LAPTM5: variants seen among roughly 807,000 people sequenced by gnomAD.
LAPTM5 encodes the protein lysosomal protein transmembrane 5.
In LAPTM5, 11 loss-of-function variants were observed where a neutral mutation model predicts 30.1. The ratio of observed to expected loss-of-function variants is 0.37; its 90% CI spans 0.23 to 0.60. LAPTM5 has a LOEUF of 0.60. Among genes scored for constraint, LAPTM5 ranks in the 20% least tolerant of loss-of-function variants. The probability of loss-of-function intolerance (pLI) is 0.71; values close to 1 mark genes in which losing one functional copy is unlikely to be tolerated. For missense variants in LAPTM5, 324 were observed against 332.5 expected (o/e 0.97, Z 0.20); for synonymous variants, 151 against 137.9 (o/e 1.10, Z -0.67).
At chr1:30,735,306 C>T in intron 6 of LAPTM5, 41 bp from the exon 7 acceptor site, 1 of 1,523,454 alleles carries the variant, frequency 6.6e-7, no homozygotes. Flanking sequence ...TGCTGAGCGT[C>T]CTTCTCACGC....
At chr1:30,753,894 G>A (rs970808540) in intron 1 of LAPTM5, among the ~76,000 whole-genome samples, 5 of 152,194 alleles carry the variant, frequency 3.3e-5, no homozygotes, top group Non-Finnish European at 7.3e-5. Flanking sequence ...CAATATTTTC[G>A]TAAATCTAAA....
At chr1:30,745,258 G>A (rs1245451869) in intron 1 of LAPTM5, among the ~76,000 whole-genome samples, 1 of 152,202 alleles carries the variant, frequency 6.6e-6, no homozygotes, top group African/African-American at 2.4e-5. Context: ...GAGGTCCAGG[G>A]CCTTGCCCAA....
chr1:30,756,419 A>C (rs539145440), intron 1 of LAPTM5, among the ~76,000 whole-genome samples: 4 of 152,238 alleles, frequency 2.6e-5, no homozygotes, highest in African/African-American at 9.6e-5. Flanking sequence ...GTGGTTCTGC[A>C]TGCTTTGTAT....
intron 1 of LAPTM5, among the ~76,000 whole-genome samples, chr1:30,745,383 T>C (rs1569864304): frequency 2.0e-5 from 3 of 152,274 alleles, no homozygotes; most frequent in East Asian, 1.9e-4. Flanking sequence ...TTCCCCTCAG[T>C]GCCTCAGTGG....
At chr1:30,740,028 C>T in intron 3 of LAPTM5, 91 bp from the exon 4 acceptor site, 1 of 1,405,212 alleles carries the variant, frequency 7.1e-7, no homozygotes. Context: ...CCCCTTCCCA[C>T]CCTCTCCCAA....
chr1:30,742,001 G>T, intron 2 of LAPTM5: 1 of 376,042 alleles, frequency 2.7e-6, no homozygotes. Flanking sequence ...GGAGTGGCCT[G>T]AGAGCAATGA....
intron 3 of LAPTM5, among the ~76,000 whole-genome samples, chr1:30,740,601 T>C: frequency 6.6e-6 from 1 of 151,974 alleles, no homozygotes. Flanking sequence ...ACTGCAACAG[T>C]GGTTTCCTGG....
At chr1:30,757,417 C>T (rs545400971) in intron 1 of LAPTM5, among the ~76,000 whole-genome samples, 15 of 152,360 alleles carry the variant, frequency 9.8e-5, no homozygotes, top group Middle Eastern at 3.4e-3. Context: ...TTACATTTGC[C>T]TGGAAAGTGG....
chr1:30,736,939 T>A (rs1253938221), intron 6 of LAPTM5, among the ~76,000 whole-genome samples: 2 of 151,998 alleles, frequency 1.3e-5, no homozygotes, highest in Non-Finnish European at 2.9e-5. Context: ...CCCCCTTGAG[T>A]CCTCTATTTT....
Position 30,757,127 on chromosome 1 carries a change from G to A in LAPTM5, c.87+532C>T, listed in dbSNP as rs1057358824. Among the ~76,000 whole-genome samples, 4 of 152,314 alleles carry A rather than the reference G, an allele frequency of 2.6e-5. No homozygotes were observed. In the South Asian group the frequency reaches 8.3e-4, roughly 32 times the overall value. On this transcript the variant is annotated intron_variant, in intron 1 of 7. Coordinates refer to ENST00000294507, the MANE Select transcript of LAPTM5 (RefSeq NM_006762.3). ...CTGAGCTGGAAGCTGAGAGGACACGGCCCCTGCCTCCCCACTGGAGGCACA... is the reference window on the plus strand; with the variant it reads ...CTGAGCTGGAAGCTGAGAGGACACGACCCCTGCCTCCCCACTGGAGGCACA...
intron 1 of LAPTM5, among the ~76,000 whole-genome samples, chr1:30,744,212 A>G (rs1640012559): frequency 6.6e-6 from 1 of 152,036 alleles, no homozygotes; most frequent in African/African-American, 2.4e-5. Flanking sequence ...TTGTCTCATC[A>G]GGAAAGTTGA....
intron 7 of LAPTM5, 62 bp from the exon 8 acceptor site, chr1:30,733,979 G>C (rs1413175568): frequency 2.6e-6 from 4 of 1,553,426 alleles, no homozygotes; most frequent in Non-Finnish European, 3.5e-6. Flanking sequence ...TTCCAACCTG[G>C]GGTCATGGGA....
At position 30,736,977 on chromosome 1, in the gene LAPTM5, G is replaced by A. The variant is rs541490355; in HGVS notation, c.606+627C>T. 8.5e-5 allele frequency among the ~76,000 whole-genome samples: 13 copies of A among 152,222 alleles called. No homozygotes were observed. In the South Asian group the frequency reaches 2.7e-3, roughly 32 times the overall value. On this transcript the variant is annotated intron_variant, in intron 6 of 7. Coordinates refer to ENST00000294507, the MANE Select transcript of LAPTM5 (RefSeq NM_006762.3). The stretch of plus-strand genomic sequence containing the variant: ...ATGCTGAATAAACGCTCAGGTCTTT[G>A]TTGGGTTTTGTGGGGGTTTTTTGAC...
chr1:30,750,157 C>T (rs141511104), intron 1 of LAPTM5, among the ~76,000 whole-genome samples: 6 of 152,276 alleles, frequency 3.9e-5, no homozygotes, highest in Admixed American at 2.0e-4. Flanking sequence ...CTTATCAAAT[C>T]TCCCTTTAGG....
intron 1 of LAPTM5, among the ~76,000 whole-genome samples, chr1:30,749,637 CT>C (rs1191663191): frequency 6.6e-6 from 1 of 152,166 alleles, no homozygotes; most frequent in African/African-American, 2.4e-5. Flanking sequence ...ACACAGGGCT[CT>C]GGGTCAACAC....
chr1:30,737,695 T>C lies in LAPTM5; in HGVS notation c.515A>G (p.Tyr172Cys). Residue 172 changes from tyrosine to cysteine, a missense_variant, in exon 6 of 8, where the codon TAC becomes TGC. By Grantham distance (194) the Tyr-to-Cys change is radical. Coordinates refer to ENST00000294507, the MANE Select transcript of LAPTM5 (RefSeq NM_006762.3). ...LNFKSMNHMN[Y>C]LPSQEDMPHN... is the part of the protein sequence containing the mutation. Reference sequence around the variant, plus strand: ...AGGCATATCCTCCTGGCTGGGGAGGTAATTCTGCAACAGATTTGGGGGCCA... The same window carrying C: ...AGGCATATCCTCCTGGCTGGGGAGGCAATTCTGCAACAGATTTGGGGGCCA... 1 of 1,609,792 alleles carries C rather than the reference T, an allele frequency of 6.2e-7. No homozygotes were observed. The highest frequency in any genetic ancestry group is 8.5e-7 in the Non-Finnish European group (1 of 1,176,642).
chr1:30,753,240 C>T (rs1279594156), intron 1 of LAPTM5, among the ~76,000 whole-genome samples: 1 of 152,062 alleles, frequency 6.6e-6, no homozygotes, highest in Non-Finnish European at 1.5e-5. Flanking sequence ...GACAAATCTC[C>T]TTGAGAAATT....
chr1:30,740,104 A>G (rs371204720), intron 3 of LAPTM5, among the ~76,000 whole-genome samples, 167 bp from the exon 4 acceptor site: 17 of 152,186 alleles, frequency 1.1e-4, no homozygotes, highest in African/African-American at 3.4e-4. Context: ...CAGGGAGTGG[A>G]TAAGACCCAG....
At chr1:30,744,630 T>G (rs1640018230) in intron 1 of LAPTM5, among the ~76,000 whole-genome samples, 1 of 152,118 alleles carries the variant, frequency 6.6e-6, no homozygotes, top group African/African-American at 2.4e-5. Context: ...ATGTACTTGT[T>G]TTATAAGCTT....
Sources: allele counts gnomAD v4.1 joint callset (sites outside exome capture counted in the v4.1 genomes callset), GRCh38; gene constraint gnomAD v4.1.1; transcripts MANE v1.5; gene names NCBI Gene and HGNC (gene_info 2026-07-23, HGNC 2026-07-21).